Variants in LAMB4 observed in about 807,000 individuals in gnomAD.
The protein encoded by LAMB4 is laminin subunit beta-4.
LAMB4 carries 196 observed loss-of-function variants against 199.2 expected under a neutral mutation model. The ratio of observed to expected loss-of-function variants is 0.98; its 90% confidence interval spans 0.88 to 1.11. The LOEUF is 1.11. Ranked by LOEUF, LAMB4 falls within the 50% of genes least tolerant of loss-of-function variation. The pLI is 0.00. For missense variants in LAMB4, 2,080 were observed against 2,171.2 expected (o/e 0.96, Z 0.83); for synonymous variants, 744 against 770.6 (o/e 0.97, Z 0.57).
Position 108,077,014 on chromosome 7 carries a change from G to T in LAMB4, c.2054C>A (p.Ser685Tyr), listed in dbSNP as rs1225217043. 6.2e-7 allele frequency: 1 copy of T among 1,613,796 alleles called. No individual in the cohort carries two copies. The highest frequency in any genetic ancestry group is 8.5e-7 in the Non-Finnish European group (1 of 1,179,724). Residue 685 changes from serine (S) to tyrosine (Y), a missense_variant, in exon 17 of 34, where the codon TCC becomes TAC. Physicochemically the swap from Ser to Tyr is moderately radical, Grantham distance 144. Coordinates refer to ENST00000388781, the MANE Select transcript of LAMB4 (RefSeq NM_007356.3). ...AGGCTGAGAAAAATAGACATCTATG[G>T]AATATTGTACATCTGGTTCTAAACA... ...PICLEPDVQY[S>Y]IDVYFSQPLQ...
intron 23 of LAMB4, among the ~76,000 whole-genome samples, chr7:108,059,769 G>A (rs566481417): frequency 4.6e-5 from 7 of 152,134 alleles, no homozygotes; most frequent in African/African-American, 1.7e-4. Context: ...GCTGTGCCAA[G>A]TTATTACTCC....
In LAMB4 at chr7:108,063,953, A is replaced by C. The variant is rs774612230; in HGVS notation, c.2869T>G (p.Tyr957Asp). 1 of 1,614,172 alleles carries C rather than the reference A, an allele frequency of 6.2e-7. No individual in the cohort carries two copies. Among genetic ancestry groups the C allele is most frequent in the South Asian group, 1.1e-5 (1 of 91,086 alleles). Residue 957 changes from tyrosine (Y) to aspartate (D), a missense_variant, in exon 22 of 34, where the codon TAT becomes GAT. Physicochemically the swap from Tyr to Asp is radical, Grantham distance 160 (BLOSUM62 -3). Transcript: ENST00000388781. ...TQCGECSTGF[Y>D]GNPRISGAPC... Reference sequence around the variant, plus strand: ...GCTCCTGAAATTCTTGGATTTCCATAGAAACCAGTAGAGCATTCTCCACAC... The same window carrying C: ...GCTCCTGAAATTCTTGGATTTCCATCGAAACCAGTAGAGCATTCTCCACAC...
At chr7:108,097,131 GC>G (rs1171095823) in intron 11 of LAMB4, among the ~76,000 whole-genome samples, 2 of 152,184 alleles carry the variant, frequency 1.3e-5, no homozygotes, top group Admixed American at 1.3e-4. Flanking sequence ...ATTTAATTTT[GC>G]CATCAAACTT....
chr7:108,079,088 A>G (rs1218920364), intron 15 of LAMB4, among the ~76,000 whole-genome samples: 3 of 152,200 alleles, frequency 2.0e-5, no homozygotes, highest in Non-Finnish European at 4.4e-5. Flanking sequence ...TATTTTTCTA[A>G]TTTGGCTTCT....
At chr7:108,095,449 T>C in intron 11 of LAMB4, 112 bp from the exon 12 acceptor site, 1 of 751,024 alleles carries the variant, frequency 1.3e-6, no homozygotes, top group Non-Finnish European at 2.2e-6. Flanking sequence ...CAGAGAAGCC[T>C]GCCCTGCCAG....
rs2037440491 is a variant in LAMB4 at position 108,092,357 on chromosome 7, A to G, written c.1530T>C (p.Ile510=). ...CTTACACGTTAGAATAAGCACCTCCAATATCACAGTCACAGGGAGAACACC... is the reference window on the plus strand; with the variant it reads ...CTTACACGTTAGAATAAGCACCTCCGATATCACAGTCACAGGGAGAACACC... ...LHGCSPCDCD[I]GGAYSNVCSP... Residue 510 remains isoleucine, a synonymous_variant, in exon 13 of 34, where the codon ATT becomes ATC. Transcript: ENST00000388781. 1.2e-6 allele frequency: 2 copies of G among 1,613,684 alleles called. No homozygotes were observed. Among genetic ancestry groups the G allele is most frequent in the Non-Finnish European group, 8.5e-7 (1 of 1,179,712 alleles).
At chr7:108,045,256 A>T (rs1584620559) in intron 28 of LAMB4, among the ~76,000 whole-genome samples, 2 of 152,334 alleles carry the variant, frequency 1.3e-5, no homozygotes, top group Middle Eastern at 6.8e-3. Context: ...GCAAAGCACC[A>T]AGTGATACAG....
chr7:108,064,941 T>C (rs912982621), intron 21 of LAMB4, among the ~76,000 whole-genome samples: 4 of 151,018 alleles, frequency 2.6e-5, no homozygotes, highest in Non-Finnish European at 5.9e-5. Flanking sequence ...CTCTGTTGCA[T>C]AGGCCCCAGG....
Position 108,047,906 on chromosome 7 carries a change from AC to A in LAMB4, c.4326+1del. On this transcript the variant is annotated splice_donor_variant, in intron 28 of 33. Transcript: ENST00000388781. LOFTEE classifies it high-confidence loss of function. ...ACAAATAAAGCAAGAGAAGATATTT[AC>A]CTGATTTTTCAACCCACGAACCTGT... 6.2e-7 allele frequency: 1 copy of A among 1,610,890 alleles called. No homozygotes were observed. Among genetic ancestry groups the A allele is most frequent in the Non-Finnish European group, 8.5e-7 (1 of 1,177,036 alleles).
intron 9 of LAMB4, 139 bp downstream of exon 9, chr7:108,104,360 T>C: frequency 1.1e-6 from 1 of 875,734 alleles, no homozygotes; most frequent in South Asian, 1.9e-5. Flanking sequence ...TTGGGAACAC[T>C]GGGATATCAC....
intron 26 of LAMB4, 52 bp downstream of exon 26, chr7:108,052,045 G>A: frequency 6.6e-7 from 1 of 1,511,904 alleles, no homozygotes; most frequent in Non-Finnish European, 9.0e-7. Context: ...AATGCACTGT[G>A]GATTTCATCA....
intron 1 of LAMB4, among the ~76,000 whole-genome samples, chr7:108,126,796 C>T (rs2038804304): frequency 6.6e-6 from 1 of 151,212 alleles, no homozygotes; most frequent in Non-Finnish European, 1.5e-5. Flanking sequence ...TCTCGATCTC[C>T]TGACCTCATG....
At chr7:108,087,343 G>A (rs1265125346) in intron 14 of LAMB4, among the ~76,000 whole-genome samples, 1 of 152,070 alleles carries the variant, frequency 6.6e-6, no homozygotes, top group East Asian at 1.9e-4. Flanking sequence ...GGTCTCTTAT[G>A]TGTAAGAGGT....
chr7:108,039,391 A>C (rs2035338870), intron 29 of LAMB4, among the ~76,000 whole-genome samples: 1 of 152,070 alleles, frequency 6.6e-6, no homozygotes, highest in African/African-American at 2.4e-5. Flanking sequence ...ATGTGACAAG[A>C]ATTTTTTTGT....
At chr7:108,079,515 C>A in intron 15 of LAMB4, 86 bp downstream of exon 15, 1 of 1,121,164 alleles carries the variant, frequency 8.9e-7, no homozygotes, top group Non-Finnish European at 1.3e-6. Context: ...TCTGATGAAC[C>A]TATTCTAGCA....
chr7:108,120,724 C>T (rs1426465076), intron 2 of LAMB4, among the ~76,000 whole-genome samples: 1 of 152,186 alleles, frequency 6.6e-6, no homozygotes, highest in Non-Finnish European at 1.5e-5. Context: ...TCAGGTATAA[C>T]ATTTCCGTTG....
Position 108,037,609 on chromosome 7 carries a change from C to T in LAMB4, c.4472-14G>A. 1 of 1,604,788 alleles carries T rather than the reference C, an allele frequency of 6.2e-7. No homozygotes were observed. The highest frequency in any genetic ancestry group is 8.5e-7 in the Non-Finnish European group (1 of 1,171,734). ...GCACGTTTTCCTCTTAAATAAGAAG[C>T]AGGGTTTTAGGTAATCATGTCTCCT... is the stretch of plus-strand genomic sequence containing the variant. On this transcript the variant is annotated splice_polypyrimidine_tract_variant and intron_variant, in intron 29 of 33. Coordinates refer to ENST00000388781, the MANE Select transcript of LAMB4 (RefSeq NM_007356.3).
chr7:108,084,238 T>G (rs1158441279), intron 14 of LAMB4, among the ~76,000 whole-genome samples: 1 of 152,194 alleles, frequency 6.6e-6, no homozygotes, highest in Non-Finnish European at 1.5e-5. Context: ...AGGCTGTAGT[T>G]TGTCTCACTA....
chr7:108,056,799 A>C (rs963334613), intron 24 of LAMB4, among the ~76,000 whole-genome samples: 1 of 151,958 alleles, frequency 6.6e-6, no homozygotes, highest in East Asian at 1.9e-4. Flanking sequence ...GTGAAACCCT[A>C]TCTCTACAAA....
Sources: allele counts gnomAD v4.1 joint callset (sites outside exome capture counted in the v4.1 genomes callset), GRCh38; gene constraint gnomAD v4.1.1; transcripts MANE v1.5; gene names NCBI Gene and HGNC (gene_info 2026-07-23, HGNC 2026-07-21).